The following TMEM150C variants were observed in gnomAD, a reference collection of about 807,000 sequenced individuals.
TMEM150C encodes the protein tentonin 3.
A neutral mutation model predicts 29.9 loss-of-function variants in TMEM150C; 10 were observed. The observed-to-expected ratio is 0.33, with a 90% CI of 0.21 to 0.57. The LOEUF is 0.57. Among genes scored for constraint, TMEM150C ranks in the 20% least tolerant of loss-of-function variants. The probability of loss-of-function intolerance (pLI) is 0.88; values close to 1 mark genes in which losing one functional copy is unlikely to be tolerated. For missense variants in TMEM150C, 251 were observed against 303.6 expected (o/e 0.83, Z 1.29); for synonymous variants, 101 against 112.5 (o/e 0.90, Z 0.64).
At chr4:82,552,858 G>T (rs1725625778) in intron 1 of TMEM150C, among the ~76,000 whole-genome samples, 1 of 152,130 alleles carries the variant, frequency 6.6e-6, no homozygotes, top group Non-Finnish European at 1.5e-5. Flanking sequence ...GGTCTGCCCA[G>T]GCCAGCCATG....
chr4:82,503,714 G>C (rs1723808853), intron 2 of TMEM150C, among the ~76,000 whole-genome samples: 1 of 152,094 alleles, frequency 6.6e-6, no homozygotes, highest in African/African-American at 2.4e-5. Context: ...ACTGGGTGTG[G>C]TGGTGGGCGC....
At chr4:82,543,498 T>C (rs971323615) in intron 1 of TMEM150C, among the ~76,000 whole-genome samples, 1 of 152,180 alleles carries the variant, frequency 6.6e-6, no homozygotes, top group African/African-American at 2.4e-5. Flanking sequence ...AGTAACGCTG[T>C]TACTACTTTT....
chr4:82,491,332 G>T, intron 6 of TMEM150C: 1 of 657,682 alleles, frequency 1.5e-6, no homozygotes, highest in South Asian at 1.7e-5. Context: ...CTGTGGGCTA[G>T]CTTAAGCAGC....
intron 6 of TMEM150C, chr4:82,494,945 G>C: frequency 1.7e-6 from 1 of 592,140 alleles, no homozygotes; most frequent in South Asian, 1.6e-5. Context: ...TCATTCTCTT[G>C]GCCGAAAGTT....
intron 1 of TMEM150C, among the ~76,000 whole-genome samples, chr4:82,544,588 G>C (rs1209039753): frequency 6.6e-6 from 1 of 152,124 alleles, no homozygotes; most frequent in African/African-American, 2.4e-5. Flanking sequence ...AGACCAGCCT[G>C]GGCAACATGG....
intron 1 of TMEM150C, among the ~76,000 whole-genome samples, chr4:82,548,229 C>T (rs1475698276): frequency 5.3e-5 from 8 of 152,078 alleles, no homozygotes; most frequent in African/African-American, 1.9e-4. Flanking sequence ...CTATTGGGTA[C>T]TATGCTCAGT....
intron 1 of TMEM150C, among the ~76,000 whole-genome samples, chr4:82,543,521 G>GA (rs1443786898): frequency 1.3e-5 from 2 of 151,914 alleles, no homozygotes; most frequent in African/African-American, 4.8e-5. Flanking sequence ...TAGCCTACTA[G>GA]AAAAAAATGA....
chr4:82,554,335 C>T (rs1033796027), intron 1 of TMEM150C, among the ~76,000 whole-genome samples: 3 of 152,042 alleles, frequency 2.0e-5, no homozygotes, highest in African/African-American at 7.2e-5. Context: ...TTTTAATTTG[C>T]AAATACTCCA....
chr4:82,487,720 G>T (rs1250425906), intron 7 of TMEM150C, among the ~76,000 whole-genome samples: 1 of 152,086 alleles, frequency 6.6e-6, no homozygotes, highest in Non-Finnish European at 1.5e-5. Flanking sequence ...CAAAATGGTG[G>T]AACAGGAATT....
At chr4:82,546,381 AACAG>A (rs938755091) in intron 1 of TMEM150C, among the ~76,000 whole-genome samples, 2 of 152,222 alleles carry the variant, frequency 1.3e-5, no homozygotes, top group African/African-American at 4.8e-5. Flanking sequence ...CTGGTACAAA[AACAG>A]ACAGACTAGT....
At chr4:82,530,829 C>T (rs1195723431) in intron 1 of TMEM150C, among the ~76,000 whole-genome samples, 1 of 152,148 alleles carries the variant, frequency 6.6e-6, no homozygotes, top group East Asian at 1.9e-4. Flanking sequence ...GGAAACTTAC[C>T]ATTATGGTGG....
intron 6 of TMEM150C, among the ~76,000 whole-genome samples, chr4:82,492,884 ATATATATATATATATG>A (rs1723414983): frequency 7.1e-6 from 1 of 141,118 alleles, no homozygotes; most frequent in South Asian, 2.2e-4. Flanking sequence ...ATATATATAT[ATATATATATATATATG>A]TATTTGAGAT....
chr4:82,562,172 G>C (rs1263529624), upstream of TMEM150C: 1 of 1,282,268 alleles, frequency 7.8e-7, no homozygotes, highest in Non-Finnish European at 1.0e-6. Flanking sequence ...CCCGGGGCAG[G>C]AGCCGGGTGT....
intron 1 of TMEM150C, chr4:82,509,926 A>G (rs1415394706): frequency 6.6e-5 from 10 of 152,258 alleles, no homozygotes; most frequent in Non-Finnish European, 1.0e-4. Context: ...GTGAAAGAAC[A>G]TAGCATACCA....
At position 82,485,218 on chromosome 4, in the gene TMEM150C, G is replaced by A; in HGVS notation, c.*293C>T. On this transcript the variant is annotated 3_prime_UTR_variant, in exon 8 of 8. Coordinates refer to ENST00000449862, the MANE Select transcript of TMEM150C (RefSeq NM_001080506.3). ...GGTGCTTGAGACATGTGGAGAGAATGGGAAGAGGAGGGAGTGCTGGGAAGG... is the reference window on the plus strand; with the variant it reads ...GGTGCTTGAGACATGTGGAGAGAATAGGAAGAGGAGGGAGTGCTGGGAAGG... The A allele has an allele frequency of 3.0e-6, 1 of 335,728 alleles. No homozygotes were observed. The highest frequency in any genetic ancestry group is 5.6e-6 in the Non-Finnish European group (1 of 178,298). The allele number at this position is 335,728 out of a possible 1,614,324, so 20.8% of individuals were successfully genotyped here. A position where few individuals can be genotyped will look rare whatever the true frequency, so the allele number is the denominator to read the frequency against.
intron 1 of TMEM150C, among the ~76,000 whole-genome samples, chr4:82,533,024 G>A (rs746888010): frequency 1.3e-5 from 2 of 152,064 alleles, no homozygotes; most frequent in African/African-American, 4.8e-5. Flanking sequence ...CACTGCGCCC[G>A]GCCTCAAGTA....
chr4:82,544,066 A>G (rs1414440122), intron 1 of TMEM150C, among the ~76,000 whole-genome samples: 2 of 152,186 alleles, frequency 1.3e-5, no homozygotes, highest in African/African-American at 2.4e-5. Context: ...TCGGATATTA[A>G]CTGCCCCTCA....
At chr4:82,492,599 G>A (rs1366864036) in intron 6 of TMEM150C, among the ~76,000 whole-genome samples, 1 of 151,424 alleles carries the variant, frequency 6.6e-6, no homozygotes, top group East Asian at 1.9e-4. Flanking sequence ...TGCCATTGGC[G>A]GTTATAGATG....
At chr4:82,557,911 T>G (rs1426829166) in intron 1 of TMEM150C, among the ~76,000 whole-genome samples, 1 of 151,978 alleles carries the variant, frequency 6.6e-6, no homozygotes, top group African/African-American at 2.4e-5. Context: ...TTTTGTATTT[T>G]TAGTGGACAC....
Sources: gnomAD v4.1 joint callset for allele counts (sites outside exome capture counted in the v4.1 genomes callset) on GRCh38, gnomAD v4.1.1 for gene constraint, MANE v1.5 for transcripts, NCBI Gene and HGNC (gene_info 2026-07-23, HGNC 2026-07-21) for gene names.